Variants in STIM1 observed in about 807,000 individuals in gnomAD.
STIM1 encodes the protein stromal interaction molecule 1.
Under a neutral mutation model 74.7 loss-of-function variants are expected in STIM1, and 25 were observed. That is an observed-to-expected ratio of 0.33 (90% CI 0.24 to 0.47). The LOEUF (loss-of-function observed/expected upper bound fraction) is 0.47. STIM1 is among the 20% of genes least tolerant of loss of function. The pLI is 1.00. For missense variants in STIM1, 728 were observed against 920.8 expected, an observed-to-expected ratio of 0.79 and a Z score of 2.71; for synonymous variants, 328 against 348.8, an observed-to-expected ratio of 0.94 and a Z score of 0.66.
chr11:3,947,945 A>G (rs2093099692), intron 1 of STIM1, among the ~76,000 whole-genome samples: 1 of 151,700 alleles, frequency 6.6e-6, no homozygotes, highest in South Asian at 2.1e-4. Flanking sequence ...TGACATGTTC[A>G]TCCTCCCTTT....
chr11:4,059,851 T>C (rs942207550), intron 5 of STIM1, among the ~76,000 whole-genome samples: 4 of 151,990 alleles, frequency 2.6e-5, no homozygotes, highest in African/African-American at 7.3e-5. Context: ...TGAGCAAGAG[T>C]ACAAAAGCTA....
intron 1 of STIM1, among the ~76,000 whole-genome samples, chr11:3,858,982 G>A (rs2090494412): frequency 6.6e-6 from 1 of 152,154 alleles, no homozygotes; most frequent in Non-Finnish European, 1.5e-5. Context: ...GGAGTGCTAG[G>A]CAGGGCTGGA....
intron 1 of STIM1, among the ~76,000 whole-genome samples, chr11:3,944,889 A>G (rs1048138904): frequency 3.3e-5 from 5 of 152,170 alleles, no homozygotes; most frequent in African/African-American, 9.7e-5. Flanking sequence ...CTAGTCCTCA[A>G]TGCTCAATTT....
chr11:3,992,578 T>A lies in STIM1; in HGVS notation c.270+24896T>A, dbSNP rs534061331. Among the ~76,000 whole-genome samples, 7 of 152,352 alleles carry A rather than the reference T, an allele frequency of 4.6e-5. No individual in the cohort carries two copies. The South Asian group carries it at 1.2e-3, about 27-fold the overall frequency. Reference sequence around the variant, plus strand: ...CATTCTGTGGGTTGCTTTTTCACTTTCTTGGTTGTATCCTTTGAAGCACAG... The same window carrying A: ...CATTCTGTGGGTTGCTTTTTCACTTACTTGGTTGTATCCTTTGAAGCACAG... On this transcript the variant is annotated intron_variant, in intron 2 of 12. Coordinates refer to ENST00000526596, the MANE Select transcript of STIM1 (RefSeq NM_001382567.1).
At chr11:3,909,850 A>G (rs914217110) in intron 1 of STIM1, among the ~76,000 whole-genome samples, 8 of 152,078 alleles carry the variant, frequency 5.3e-5, no homozygotes, top group African/African-American at 1.9e-4. Flanking sequence ...TCAATAACAT[A>G]TGTAAAGAAG....
chr11:3,932,159 C>T (rs1173676265), intron 1 of STIM1, among the ~76,000 whole-genome samples: 1 of 152,178 alleles, frequency 6.6e-6, no homozygotes, highest in East Asian at 1.9e-4. Flanking sequence ...TTGTCCAGCC[C>T]ACCACCACTG....
At chr11:3,895,065 A>G (rs2092018726) in intron 1 of STIM1, among the ~76,000 whole-genome samples, 2 of 152,126 alleles carry the variant, frequency 1.3e-5, no homozygotes, top group Non-Finnish European at 2.9e-5. Flanking sequence ...GTTCTAAGGA[A>G]GGCCAAGGGC....
chr11:3,886,144 T>G (rs1045117786), intron 1 of STIM1, among the ~76,000 whole-genome samples: 2 of 152,222 alleles, frequency 1.3e-5, no homozygotes, highest in Non-Finnish European at 2.9e-5. Context: ...ATCTTGAATA[T>G]CACACATTAT....
At chr11:3,858,134 C>T (rs2090454985) in intron 1 of STIM1, among the ~76,000 whole-genome samples, 1 of 151,936 alleles carries the variant, frequency 6.6e-6, no homozygotes, top group Non-Finnish European at 1.5e-5. Context: ...GAGTGCCTGA[C>T]ATAAGATGAA....
intron 12 of STIM1, among the ~76,000 whole-genome samples, chr11:4,089,697 A>C (rs2094512396): frequency 6.6e-6 from 1 of 152,174 alleles, no homozygotes; most frequent in Non-Finnish European, 1.5e-5. Flanking sequence ...TGAGAATTAA[A>C]TCTACAATAG....
chr11:3,982,837 A>G (rs1409197195), intron 2 of STIM1, among the ~76,000 whole-genome samples: 1 of 152,148 alleles, frequency 6.6e-6, no homozygotes, highest in African/African-American at 2.4e-5. Context: ...AGTGGTGGTC[A>G]CCTTTCGCTT....
At chr11:3,963,546 A>G (rs1475891424) in intron 1 of STIM1, among the ~76,000 whole-genome samples, 1 of 152,236 alleles carries the variant, frequency 6.6e-6, no homozygotes, top group Non-Finnish European at 1.5e-5. Context: ...ACATATGCCT[A>G]TGCTATTTTC....
rs1345911839 is a variant in STIM1, at chr11:4,000,542, A to G, written c.271-23331A>G. ...CTGAGGGTCCTGTCTGTTAGGAGGA[A>G]AACTAACAAACAGAAAGGACATCCA... On this transcript the variant is annotated intron_variant, in intron 2 of 12. Transcript: ENST00000526596. Among the ~76,000 whole-genome samples the G allele has an allele frequency of 2.6e-5, 4 of 152,224 alleles. No homozygotes were observed. In the East Asian group the frequency reaches 7.7e-4, roughly 29 times the overall value.
At chr11:3,888,153 C>G (rs1324311476) in intron 1 of STIM1, 1 of 152,226 alleles carries the variant, frequency 6.6e-6, no homozygotes, top group Non-Finnish European at 1.5e-5. Context: ...GGGCCAGAAA[C>G]AGGTGAGGCT....
chr11:3,954,373 A>T (rs1178618395), intron 1 of STIM1, among the ~76,000 whole-genome samples: 1 of 152,216 alleles, frequency 6.6e-6, no homozygotes, highest in African/African-American at 2.4e-5. Context: ...ACAAATGTTC[A>T]TTGAAGTCTA....
At chr11:3,928,463 G>A (rs1051314707) in intron 1 of STIM1, among the ~76,000 whole-genome samples, 12 of 152,234 alleles carry the variant, frequency 7.9e-5, no homozygotes, top group Non-Finnish European at 1.3e-4. Context: ...CTGACCTCAG[G>A]TGATCCACCC....
chr11:3,999,801 G>A (rs566709532), intron 2 of STIM1: 1 of 152,664 alleles, frequency 6.6e-6, no homozygotes, highest in Admixed American at 6.5e-5. Context: ...GGAAGTGCAA[G>A]GGATCAGGGA....
At chr11:3,888,626 C>T (rs1464299846) in intron 1 of STIM1, among the ~76,000 whole-genome samples, 1 of 152,084 alleles carries the variant, frequency 6.6e-6, no homozygotes, top group Non-Finnish European at 1.5e-5. Flanking sequence ...CAGCCTCCAC[C>T]TCCCAGATTC....
intron 1 of STIM1, among the ~76,000 whole-genome samples, chr11:3,928,375 G>T (rs1380107682): frequency 6.6e-6 from 1 of 151,904 alleles, no homozygotes; most frequent in Non-Finnish European, 1.5e-5. Flanking sequence ...GCAGGTGTGT[G>T]CCACCACACC....
Sources: gnomAD v4.1 joint callset for allele counts (sites outside exome capture counted in the v4.1 genomes callset) on GRCh38, gnomAD v4.1.1 for gene constraint, MANE v1.5 for transcripts, NCBI Gene and HGNC (gene_info 2026-07-23, HGNC 2026-07-21) for gene names.